The following CDH4 variants were observed in gnomAD, a reference collection of about 807,000 sequenced individuals.
CDH4 encodes cadherin 4.
Under a neutral mutation model 86.0 loss-of-function variants are expected in CDH4, and 33 were observed. The observed-to-expected ratio is 0.38, with a 90% CI of 0.29 to 0.51. The LOEUF (loss-of-function observed/expected upper bound fraction) is 0.51. Ranked by LOEUF, CDH4 falls within the 20% of genes least tolerant of loss-of-function variation. CDH4 has a pLI of 0.86. For missense variants in CDH4, 1,114 were observed against 1,307.4 expected, an observed-to-expected ratio of 0.85 and a Z score of 2.28; for synonymous variants, 555 against 549.4, an observed-to-expected ratio of 1.01 and a Z score of -0.14.
At position 61,469,272 on chromosome 20, in the gene CDH4, T is replaced by C. The variant is rs191632678; in HGVS notation, c.169+214335T>C. On this transcript the variant is annotated intron_variant, in intron 2 of 15. Transcript: ENST00000614565. Reference sequence around the variant, plus strand: ...CCATTTTAACTGGGATGAAATGATATCTCATTGTAGTTTAGATTTGCATTT... The same window carrying C: ...CCATTTTAACTGGGATGAAATGATACCTCATTGTAGTTTAGATTTGCATTT... Among the ~76,000 whole-genome samples, 93 of 152,352 alleles carry C rather than the reference T, an allele frequency of 6.1e-4. No homozygotes were observed. The South Asian group carries it at 7.5e-3, about 12-fold the overall frequency.
intron 2 of CDH4, among the ~76,000 whole-genome samples, chr20:61,283,490 A>G (rs13039924): frequency 0.093 from 1,788 of 19,298 alleles, 393 homozygotes; most frequent in Non-Finnish European, 0.1. Context: ...TGTGTGATGT[A>G]GGTGCATTTG....
In CDH4 at chr20:61,937,064, C is replaced by T. The variant is rs1447633714; in HGVS notation, c.*121C>T. On this transcript the variant is annotated 3_prime_UTR_variant, in exon 16 of 16. Transcript: ENST00000614565. ...CTGTGTCCTTAGTGCTGTTAGGAGG[C>T]CCCCCAATCCCCACGTTGAGCTGTC... 2.0e-5 allele frequency: 15 copies of T among 743,934 alleles called. No homozygotes were observed. Among genetic ancestry groups the T allele is most frequent in the Admixed American group, 1.9e-4 (5 of 26,648 alleles). 46.1% of individuals were successfully genotyped at this position (743,934 alleles called of 1,614,324 possible).
intron 2 of CDH4, chr20:61,570,634 A>G (rs538519715): frequency 8.7e-5 from 61 of 702,154 alleles, no homozygotes; most frequent in South Asian, 7.2e-4. Context: ...GGGACAGACA[A>G]TTTTGTTTTT....
chr20:61,835,464 G>A (rs34140814), intron 4 of CDH4, among the ~76,000 whole-genome samples: 62,891 of 152,184 alleles, frequency 0.41, 15,979 homozygotes, highest in Non-Finnish European at 0.58. Context: ...GGTCCCCTGG[G>A]AGCCAGCCAC....
chr20:61,404,634 A>G (rs1392569670), intron 2 of CDH4, among the ~76,000 whole-genome samples: 1 of 152,066 alleles, frequency 6.6e-6, no homozygotes, highest in Non-Finnish European at 1.5e-5. Flanking sequence ...CTTAAGGCCA[A>G]ATTTCCCATT....
chr20:61,904,047 CT>C (rs369646704), intron 8 of CDH4, among the ~76,000 whole-genome samples: 16 of 152,372 alleles, frequency 1.1e-4, no homozygotes, highest in African/African-American at 3.6e-4. Context: ...GTGGCCGCCC[CT>C]GGGACTTCCC....
At chr20:61,701,254 C>T (rs1289295382) in intron 2 of CDH4, among the ~76,000 whole-genome samples, 1 of 152,228 alleles carries the variant, frequency 6.6e-6, no homozygotes, top group Non-Finnish European at 1.5e-5. Context: ...GACCTCATCG[C>T]AACTAATTTC....
At chr20:61,893,871 G>C (rs536416077) in intron 7 of CDH4, among the ~76,000 whole-genome samples, 1 of 152,002 alleles carries the variant, frequency 6.6e-6, no homozygotes, top group Non-Finnish European at 1.5e-5. Flanking sequence ...GGATGGATGG[G>C]TGATGGTTGG....
intron 2 of CDH4, among the ~76,000 whole-genome samples, chr20:61,382,843 C>G (rs1288051722): frequency 6.6e-6 from 1 of 151,348 alleles, no homozygotes; most frequent in African/African-American, 2.4e-5. Context: ...ATGATCTCAT[C>G]CCAGGATCCT....
intron 2 of CDH4, among the ~76,000 whole-genome samples, chr20:61,685,526 A>G (rs1236698253): frequency 6.6e-6 from 1 of 152,230 alleles, no homozygotes; most frequent in African/African-American, 2.4e-5. Context: ...TCTGGATTGC[A>G]AAGGCCGCTC....
At chr20:61,303,878 T>C (rs1224816154) in intron 2 of CDH4, among the ~76,000 whole-genome samples, 2 of 152,198 alleles carry the variant, frequency 1.3e-5, no homozygotes, top group African/African-American at 4.8e-5. Flanking sequence ...GGAGGTCCGA[T>C]GGGCACGGTG....
Position 61,252,381 on chromosome 20 carries a change from G to C in CDH4, c.-133G>C, listed in dbSNP as rs1308929682. 1.1e-3 allele frequency: 296 copies of C among 262,840 alleles called. 5 individuals carry two copies. In the East Asian group the frequency reaches 0.046, roughly 41 times the overall value. 16.3% of individuals were successfully genotyped at this position (262,840 alleles called of 1,614,324 possible). ...GCGCGGCGGGCGCAGCGGGGCTGGA[G>C]GCTCCGGGCAGGCGCGGGGGAGCGG... On this transcript the variant is annotated 5_prime_UTR_variant, in exon 1 of 16. Coordinates refer to ENST00000614565, the MANE Select transcript of CDH4 (RefSeq NM_001794.5). This position sits in a 1 kb window ranked among gnomAD's most constrained non-coding sequence, Gnocchi z 4.4.
chr20:61,743,844 G>T, intron 3 of CDH4, 55 bp downstream of exon 3: 1 of 1,337,424 alleles, frequency 7.5e-7, no homozygotes. Context: ...AGTTCCTCCT[G>T]CAGGCCCTGG....
At chr20:61,764,619 C>CT in intron 3 of CDH4, among the ~76,000 whole-genome samples, 1 of 152,316 alleles carries the variant, frequency 6.6e-6, no homozygotes, top group African/African-American at 2.4e-5. Context: ...CATTTTATCT[C>CT]TAAAAAGCCA....
chr20:61,839,522 ATG>A (rs777406911), intron 4 of CDH4, among the ~76,000 whole-genome samples: 6 of 111,534 alleles, frequency 5.4e-5, no homozygotes, highest in East Asian at 2.2e-4. Flanking sequence ...TGTTGTGTGT[ATG>A]TGTGTTTGTG....
chr20:61,663,700 G>A lies in CDH4; in HGVS notation c.170-79863G>A, dbSNP rs953580292. On this transcript the variant is annotated intron_variant, in intron 2 of 15. Transcript: ENST00000614565. This position sits in a 1 kb window ranked among gnomAD's most constrained non-coding sequence, Gnocchi z 5.0. ...TGCTGTCTTCCCGGCGGGAGCTGGC[G>A]GTACTGAGGAAGGACGTGCAGAACC... 6.6e-6 allele frequency among the ~76,000 whole-genome samples: 1 copy of A among 151,922 alleles called. No individual in the cohort carries two copies. Among genetic ancestry groups the A allele is most frequent in the Admixed American group, 6.5e-5 (1 of 15,270 alleles).
At chr20:61,799,145 A>T (rs1979702248) in intron 4 of CDH4, among the ~76,000 whole-genome samples, 1 of 152,232 alleles carries the variant, frequency 6.6e-6, no homozygotes. Flanking sequence ...GCCCTTATAA[A>T]TGTTTCAAAA....
chr20:61,889,480 ATG>A (rs1984698185), intron 7 of CDH4, among the ~76,000 whole-genome samples: 1 of 149,078 alleles, frequency 6.7e-6, no homozygotes, highest in African/African-American at 2.5e-5. Context: ...TAGATGATGG[ATG>A]AGTGAGTGGA....
chr20:61,436,223 C>G (rs949279350), intron 2 of CDH4, among the ~76,000 whole-genome samples: 1 of 152,198 alleles, frequency 6.6e-6, no homozygotes, highest in Non-Finnish European at 1.5e-5. Flanking sequence ...ATCACTCTTG[C>G]ACCTTCGCCC....
Sources: gnomAD v4.1 joint callset for allele counts (sites outside exome capture counted in the v4.1 genomes callset) on GRCh38, gnomAD v4.1.1 for gene constraint, Gnocchi (gnomAD v3.1) non-coding constraint, MANE v1.5 for transcripts, NCBI Gene and HGNC (gene_info 2026-07-23, HGNC 2026-07-21) for gene names.